ANXA4: variants seen among roughly 807,000 people sequenced by gnomAD.
ANXA4 encodes the protein 35-beta calcimedin.
A neutral mutation model predicts 49.8 loss-of-function variants in ANXA4; 39 were observed. That is an observed-to-expected ratio of 0.78 (90% CI 0.61 to 1.02). The LOEUF is 1.02. Ranked by LOEUF, ANXA4 falls within the 50% of genes least tolerant of loss-of-function variation. The pLI is 0.00. For missense variants in ANXA4, 360 were observed against 410.1 expected (o/e 0.88, Z 1.05); for synonymous variants, 134 against 152.5 (o/e 0.88, Z 0.89).
intron 3 of ANXA4, among the ~76,000 whole-genome samples, chr2:69,803,125 T>C (rs1673290457): frequency 6.6e-6 from 1 of 150,784 alleles, no homozygotes; most frequent in South Asian, 2.1e-4. Flanking sequence ...TGCTTGAACC[T>C]GGGAGGGAGA....
chr2:69,685,247 G>T (rs1677746499), intron 2 of ANXA4, among the ~76,000 whole-genome samples: 1 of 152,080 alleles, frequency 6.6e-6, no homozygotes, highest in South Asian at 2.1e-4. Context: ...CTAAAAACAA[G>T]TCAGGGCTAA....
chr2:69,783,520 C>A (rs891266135), intron 2 of ANXA4, among the ~76,000 whole-genome samples: 8 of 152,100 alleles, frequency 5.3e-5, no homozygotes, highest in Admixed American at 2.6e-4. Flanking sequence ...CAGCTTTCTT[C>A]TTAATTTTTA....
intron 2 of ANXA4, among the ~76,000 whole-genome samples, chr2:69,689,332 C>T (rs147922285): frequency 6.6e-6 from 1 of 152,226 alleles, no homozygotes; most frequent in African/African-American, 2.4e-5. Flanking sequence ...AAGTGATCCT[C>T]CTGCCTTGAC....
intron 3 of ANXA4, 151 bp from the exon 4 acceptor site, chr2:69,804,382 T>A: frequency 3.2e-6 from 2 of 630,450 alleles, no homozygotes; most frequent in Non-Finnish European, 5.5e-6. Flanking sequence ...AGCATCTGTT[T>A]CCCAAAAAGT....
intron 2 of ANXA4, among the ~76,000 whole-genome samples, chr2:69,711,293 A>G (rs1363454729): frequency 2.0e-5 from 3 of 152,198 alleles, no homozygotes; most frequent in Non-Finnish European, 2.9e-5. Flanking sequence ...AACAACCCAA[A>G]TGTCCATCTA....
At chr2:69,813,426 T>C (rs1323287120) in intron 8 of ANXA4, among the ~76,000 whole-genome samples, 1 of 152,136 alleles carries the variant, frequency 6.6e-6, no homozygotes, top group Non-Finnish European at 1.5e-5. Flanking sequence ...TTTTTTTCTA[T>C]TTTTAGTAGA....
At chr2:69,788,633 C>T (rs936517516) in intron 3 of ANXA4, among the ~76,000 whole-genome samples, 31 of 151,628 alleles carry the variant, frequency 2.0e-4, no homozygotes, top group South Asian at 4.2e-4. Flanking sequence ...GTCAGGAGAT[C>T]GAGACCATCC....
chr2:69,654,880 A>G (rs886842492), intron 2 of ANXA4, among the ~76,000 whole-genome samples: 8 of 152,220 alleles, frequency 5.3e-5, no homozygotes, highest in Non-Finnish European at 1.2e-4. Flanking sequence ...CCACACATCT[A>G]CAACCATCTG....
At chr2:69,749,374 C>A (rs1203029417) in intron 1 of ANXA4, among the ~76,000 whole-genome samples, 6 of 152,094 alleles carry the variant, frequency 3.9e-5, no homozygotes, top group African/African-American at 1.2e-4. Context: ...GTCTTTGGTT[C>A]AGCATGTCAA....
chr2:69,777,525 AG>A (rs1299153110), intron 1 of ANXA4, among the ~76,000 whole-genome samples: 14 of 152,176 alleles, frequency 9.2e-5, no homozygotes, highest in Non-Finnish European at 1.9e-4. Context: ...CAAAATTCCA[AG>A]GGATTTAGGA....
At chr2:69,789,151 C>G (rs773477123) in intron 3 of ANXA4, among the ~76,000 whole-genome samples, 9 of 152,174 alleles carry the variant, frequency 5.9e-5, no homozygotes, top group Non-Finnish European at 1.0e-4. Context: ...AGCAGTTTCA[C>G]AGACATTATC....
At chr2:69,741,499 C>T (rs1670394768), upstream of ANXA4, among the ~76,000 whole-genome samples, 1 of 152,266 alleles carries the variant, frequency 6.6e-6, no homozygotes, top group East Asian at 1.9e-4. Flanking sequence ...TACTCCAAAG[C>T]TTTCCTGGCC....
chr2:69,799,917 G>A (rs531906529), intron 3 of ANXA4, among the ~76,000 whole-genome samples: 1 of 152,292 alleles, frequency 6.6e-6, no homozygotes, highest in South Asian at 2.1e-4. Flanking sequence ...AATAGAAAAT[G>A]TTTATTAAGC....
At chr2:69,686,467 G>T (rs1438110709) in intron 2 of ANXA4, among the ~76,000 whole-genome samples, 1 of 151,342 alleles carries the variant, frequency 6.6e-6, no homozygotes, top group African/African-American at 2.4e-5. Flanking sequence ...ACCGCACCTG[G>T]CCTGAGACAG....
At chr2:69,650,390 C>T (rs1341616401) in intron 1 of ANXA4, among the ~76,000 whole-genome samples, 2 of 152,182 alleles carry the variant, frequency 1.3e-5, no homozygotes, top group Non-Finnish European at 2.9e-5. Context: ...ATTTATTAAG[C>T]ACCATGTGCT....
At chr2:69,764,228 G>A (rs954552758) in intron 1 of ANXA4, among the ~76,000 whole-genome samples, 9 of 152,186 alleles carry the variant, frequency 5.9e-5, no homozygotes, top group Non-Finnish European at 1.3e-4. Context: ...TGGGATTTCT[G>A]TATTAGTTTC....
upstream of ANXA4, among the ~76,000 whole-genome samples, chr2:69,739,337 C>T (rs1216482810): frequency 1.3e-5 from 2 of 151,860 alleles, no homozygotes; most frequent in African/African-American, 4.8e-5. Flanking sequence ...AGGTTCCAAA[C>T]TCTTATTATT....
At chr2:69,647,256 C>A (rs1426931681) in intron 1 of ANXA4, among the ~76,000 whole-genome samples, 1 of 152,118 alleles carries the variant, frequency 6.6e-6, no homozygotes, top group Non-Finnish European at 1.5e-5. Flanking sequence ...GGCTGCAACC[C>A]TTTATAAAAA....
At chr2:69,688,568 C>T (rs768144168) in intron 2 of ANXA4, among the ~76,000 whole-genome samples, 7 of 152,162 alleles carry the variant, frequency 4.6e-5, no homozygotes, top group Admixed American at 2.6e-4. Flanking sequence ...GATATGGTTA[C>T]GCTGAAGTAC....
Sources: allele counts gnomAD v4.1 joint callset (sites outside exome capture counted in the v4.1 genomes callset), GRCh38; gene constraint gnomAD v4.1.1; transcripts MANE v1.5; gene names NCBI Gene and HGNC (gene_info 2026-07-23, HGNC 2026-07-21).